SRP54: variants seen among roughly 807,000 people sequenced by gnomAD.
The protein encoded by SRP54 is signal recognition particle subunit SRP54.
SRP54 carries 10 observed loss-of-function variants against 64.8 expected under a neutral mutation model. The observed-to-expected ratio is 0.15, with a 90% CI of 0.10 to 0.26. The LOEUF (loss-of-function observed/expected upper bound fraction) is 0.26. Among genes scored for constraint, SRP54 ranks in the 10% least tolerant of loss-of-function variants. SRP54 has a pLI of 1.00. For synonymous variants in SRP54, 193 were observed against 185.6 expected (o/e 1.04, Z -0.32); for missense variants, 325 against 613.7 (o/e 0.53, Z 4.97).
At chr14:34,996,816 TGA>T in intron 2 of SRP54, 29 bp downstream of exon 2, 2 of 1,412,164 alleles carry the variant, frequency 1.4e-6, no homozygotes, top group Non-Finnish European at 2.0e-6. Flanking sequence ...GAAATATATA[TGA>T]TTGTATATTG....
chr14:34,986,893 A>G (rs145867953), intron 1 of SRP54, among the ~76,000 whole-genome samples: 73 of 151,442 alleles, frequency 4.8e-4, no homozygotes, highest in African/African-American at 1.6e-3. Flanking sequence ...AAAAATTGCT[A>G]GTTATTCATC....
chr14:34,998,982 T>G (rs2044120309), intron 2 of SRP54, among the ~76,000 whole-genome samples: 2 of 93,204 alleles, frequency 2.1e-5, no homozygotes, highest in Admixed American at 1.1e-4. Flanking sequence ...TATGTGTGTG[T>G]GTGTGTGTGT....
chr14:34,987,246 A>AATATAT (rs1555352659), intron 1 of SRP54, among the ~76,000 whole-genome samples: 150 of 109,898 alleles, frequency 1.4e-3, no homozygotes, highest in Middle Eastern at 4.9e-3. Context: ...AAAAAAAAAA[A>AATATAT]ATATATATAT....
At chr14:35,002,302 C>T (rs1191339203) in intron 4 of SRP54, among the ~76,000 whole-genome samples, 1 of 151,834 alleles carries the variant, frequency 6.6e-6, no homozygotes, top group Non-Finnish European at 1.5e-5. Context: ...TGCAGTGAGC[C>T]GTGATTGTGC....
chr14:35,018,949 G>A lies in SRP54; in HGVS notation c.1048-17G>A. ...AATCTTAAGCTACTATTGACTTTATGTTTAAATCTGTTGTAGGGGATGATC... is the reference window on the plus strand; with the variant it reads ...AATCTTAAGCTACTATTGACTTTATATTTAAATCTGTTGTAGGGGATGATC... On this transcript the variant is annotated splice_polypyrimidine_tract_variant and intron_variant, in intron 12 of 15. Coordinates refer to ENST00000216774, the MANE Select transcript of SRP54 (RefSeq NM_003136.4). The A allele has an allele frequency of 6.2e-7, 1 of 1,606,004 alleles. No homozygotes were observed. The highest frequency in any genetic ancestry group is 1.1e-5 in the South Asian group (1 of 90,838).
At position 35,000,151 on chromosome 14, in the gene SRP54, A is replaced by C. The variant is rs576071180; in HGVS notation, c.170+502A>C. Among the ~76,000 whole-genome samples the C allele has an allele frequency of 2.6e-5, 4 of 152,348 alleles. No homozygotes were observed. In the East Asian group the frequency reaches 5.8e-4, roughly 22 times the overall value. ...GAGAGGCACTGAGTTGGTAGGACAC[A>C]CAGAGCAATACAGGTAGCTCAGTTA... On this transcript the variant is annotated intron_variant, in intron 3 of 15. Coordinates refer to ENST00000216774, the MANE Select transcript of SRP54 (RefSeq NM_003136.4).
rs1212242078 is a variant in SRP54, at chr14:34,983,015, C to T, written c.-234C>T. On this transcript the variant is annotated 5_prime_UTR_variant, in exon 1 of 16. Coordinates refer to ENST00000216774, the MANE Select transcript of SRP54 (RefSeq NM_003136.4). ...TCATTGGGCGGAAGGTTCGCTGGCACTCCGTTGGTCTTCCAGCTGGTGGGA... is the reference window on the plus strand; with the variant it reads ...TCATTGGGCGGAAGGTTCGCTGGCATTCCGTTGGTCTTCCAGCTGGTGGGA... 1 of 152,362 alleles carries T rather than the reference C, an allele frequency of 6.6e-6. No homozygotes were observed. The highest frequency in any genetic ancestry group is 1.5e-5 in the Non-Finnish European group (1 of 68,160). The allele number at this position is 152,362 out of a possible 1,614,324, so 9.4% of individuals were successfully genotyped here.
chr14:34,992,634 C>T (rs1490420219), intron 1 of SRP54, among the ~76,000 whole-genome samples: 1 of 151,942 alleles, frequency 6.6e-6, no homozygotes, highest in Non-Finnish European at 1.5e-5. Flanking sequence ...ACAGACCATT[C>T]CAAAATGGAA....
chr14:35,026,121 T>G (rs1002826869), intron 14 of SRP54, among the ~76,000 whole-genome samples: 4 of 141,956 alleles, frequency 2.8e-5, no homozygotes, highest in Non-Finnish European at 6.2e-5. Flanking sequence ...TCTCTTGCTT[T>G]CTTTTATGAG....
chr14:34,995,183 GTGTGTA>G (rs1254295462), intron 1 of SRP54, among the ~76,000 whole-genome samples: 5 of 108,024 alleles, frequency 4.6e-5, no homozygotes, highest in East Asian at 2.1e-4. Context: ...GTGTGTGTGT[GTGTGTA>G]GAGAGAGAGA....
At chr14:35,015,688 A>G (rs1168465103) in intron 11 of SRP54, among the ~76,000 whole-genome samples, 2 of 152,202 alleles carry the variant, frequency 1.3e-5, no homozygotes, top group African/African-American at 2.4e-5. Flanking sequence ...TAAACACTCA[A>G]TGTATATTAT....
At chr14:34,995,134 GGT>G (rs35829734) in intron 1 of SRP54, among the ~76,000 whole-genome samples, 7,489 of 69,990 alleles carry the variant, frequency 0.11, 373 homozygotes, top group African/African-American at 0.13. Flanking sequence ...ATCAATAAAG[GGT>G]GTGTGTGTGT....
chr14:34,983,177 C>G lies in SRP54; in HGVS notation c.-72C>G, dbSNP rs1594971047. The G allele has an allele frequency of 6.6e-6, 1 of 152,382 alleles. No individual in the cohort carries two copies. The highest frequency in any genetic ancestry group is 1.9e-4 in the East Asian group (1 of 5,206). The allele number at this position is 152,382 out of a possible 1,614,324, so 9.4% of individuals were successfully genotyped here. On this transcript the variant is annotated 5_prime_UTR_variant, in exon 1 of 16. Coordinates refer to ENST00000216774, the MANE Select transcript of SRP54 (RefSeq NM_003136.4). ...GCGTGGGGCCTCGCTAAGGAATTCCCGGCCCCTCAGGGCCACGGCTTTAGC... is the reference window on the plus strand; with the variant it reads ...GCGTGGGGCCTCGCTAAGGAATTCCGGGCCCCTCAGGGCCACGGCTTTAGC...
intron 7 of SRP54, 135 bp downstream of exon 7, chr14:35,008,966 A>C (rs1019054746): frequency 8.2e-6 from 5 of 609,578 alleles, no homozygotes; most frequent in Non-Finnish European, 1.4e-5. Context: ...GGCTCACTGC[A>C]ACCACCACCT....
chr14:34,995,382 C>A (rs2044056847), intron 1 of SRP54, among the ~76,000 whole-genome samples: 1 of 151,806 alleles, frequency 6.6e-6, no homozygotes, highest in South Asian at 2.1e-4. Context: ...TAGTTTTAAT[C>A]CAAAGGCTTG....
intron 14 of SRP54, among the ~76,000 whole-genome samples, chr14:35,026,596 G>A (rs1262890626): frequency 1.3e-5 from 2 of 152,088 alleles, no homozygotes; most frequent in Admixed American, 1.3e-4. Flanking sequence ...GAAATTCCTT[G>A]ACAAGTGAAG....
intron 4 of SRP54, among the ~76,000 whole-genome samples, chr14:35,004,760 AGT>A (rs2044230913): frequency 6.6e-6 from 1 of 152,224 alleles, no homozygotes; most frequent in Non-Finnish European, 1.5e-5. Context: ...GAGCAGCATC[AGT>A]GTACTGAAAG....
At chr14:34,987,576 G>T (rs182237995) in intron 1 of SRP54, among the ~76,000 whole-genome samples, 2 of 151,842 alleles carry the variant, frequency 1.3e-5, no homozygotes, top group African/African-American at 2.4e-5. Flanking sequence ...CTTATGTTTC[G>T]AAGATTAATC....
chr14:34,991,261 C>T (rs897851729), intron 1 of SRP54, among the ~76,000 whole-genome samples: 1 of 151,736 alleles, frequency 6.6e-6, no homozygotes, highest in African/African-American at 2.4e-5. Flanking sequence ...TTCTGAGTAC[C>T]TGGGATTACA....
Sources: allele counts gnomAD v4.1 joint callset (sites outside exome capture counted in the v4.1 genomes callset), GRCh38; gene constraint gnomAD v4.1.1; transcripts MANE v1.5; gene names NCBI Gene and HGNC (gene_info 2026-07-23, HGNC 2026-07-21).